Variants in CREBZF observed in about 807,000 individuals in gnomAD.
CREBZF encodes the protein HCF-binding transcription factor Zhangfei.
CREBZF carries 8 observed loss-of-function variants against 21.1 expected under a neutral mutation model. The ratio of observed to expected loss-of-function variants is 0.38; its 90% CI spans 0.22 to 0.68. CREBZF has a LOEUF of 0.68. Among genes scored for constraint, CREBZF ranks in the 30% least tolerant of loss-of-function variants. CREBZF has a pLI of 0.51. For synonymous variants in CREBZF, 270 were observed against 223.3 expected, an observed-to-expected ratio of 1.21 and a Z score of -1.86; for missense variants, 518 against 484.3, an observed-to-expected ratio of 1.07 and a Z score of -0.65.
At chr11:85,674,710 G>A (rs942819086) in intron 1 of CREBZF, among the ~76,000 whole-genome samples, 1 of 152,226 alleles carries the variant, frequency 6.6e-6, no homozygotes, top group Non-Finnish European at 1.5e-5. Flanking sequence ...GTGAAAATCT[G>A]TTGTTTAGTG....
chr11:85,664,825 TG>T lies in CREBZF; in HGVS notation c.50del (p.Pro17GlnfsTer19). 6.5e-7 allele frequency: 1 copy of T among 1,545,072 alleles called. No individual in the cohort carries two copies. Among genetic ancestry groups the T allele is most frequent in the Non-Finnish European group, 8.7e-7 (1 of 1,151,270 alleles). On this transcript the variant is annotated frameshift_variant, in exon 1 of 1. Transcript: ENST00000527447. LOFTEE classifies it high-confidence loss of function. This position sits in a 1 kb window ranked among gnomAD's most constrained non-coding sequence, Gnocchi z 5.5. Reference sequence around the variant, plus strand: ...CCGGCTCCGGGCTCTCACTGCGGGTTGGGGAGTTGCTGCCCGAGGCTGCCAG... The same window carrying T: ...CCGGCTCCGGGCTCTCACTGCGGGTTGGGAGTTGCTGCCCGAGGCTGCCAG... The part of the protein sequence containing the change: ...KLLAASGSNS[P>X]TRSESPEPAA...
intron 1 of CREBZF, among the ~76,000 whole-genome samples, chr11:85,677,058 G>A (rs1465587804): frequency 6.8e-6 from 1 of 146,726 alleles, no homozygotes; most frequent in Non-Finnish European, 1.5e-5. Flanking sequence ...CCGCCTCCCA[G>A]GTTCAAGCAA....
rs1328609110 is a variant in CREBZF, at chr11:85,664,192, G to A, written c.684C>T (p.Tyr228=). 1.9e-6 allele frequency: 3 copies of A among 1,613,354 alleles called. No individual in the cohort carries two copies. The highest frequency in any genetic ancestry group is 2.2e-5 in the East Asian group (1 of 44,872). The change falls in exon 1 of 1, where the codon TAC becomes TAT. Residue 228 remains tyrosine, a synonymous_variant. Transcript: ENST00000527447. This position sits in a 1 kb window ranked among gnomAD's most constrained non-coding sequence, Gnocchi z 5.5. The part of the protein sequence containing the change: ...ARLNRLKKKE[Y]VMGLESRVRG... ...GGACTCGACTCTCCAGCCCCATCAC[G>A]TACTCCTTCTTCTTCAGTCGATTAA...
chr11:85,670,605 A>G (rs1402257627), intron 1 of CREBZF, among the ~76,000 whole-genome samples: 1 of 152,114 alleles, frequency 6.6e-6, no homozygotes, highest in African/African-American at 2.4e-5. Flanking sequence ...CCAGCCTCTC[A>G]AGTTCTTTAA....
At chr11:85,681,898 T>A (rs1162542626) in intron 1 of CREBZF, among the ~76,000 whole-genome samples, 1 of 152,182 alleles carries the variant, frequency 6.6e-6, no homozygotes, top group Non-Finnish European at 1.5e-5. Context: ...CAGAGTGGAA[T>A]ACAAAGTACC....
At chr11:85,670,765 G>A (rs1003281926) in intron 1 of CREBZF, among the ~76,000 whole-genome samples, 2 of 152,144 alleles carry the variant, frequency 1.3e-5, no homozygotes, top group African/African-American at 2.4e-5. Context: ...CTGAAGAGGA[G>A]GATAGGAATT....
intron 1 of CREBZF, among the ~76,000 whole-genome samples, chr11:85,670,722 C>A (rs1431937120): frequency 6.6e-6 from 1 of 152,026 alleles, no homozygotes; most frequent in Non-Finnish European, 1.5e-5. Flanking sequence ...GTCAATATCT[C>A]GATAGATTAG....
chr11:85,665,740 T>C (rs1434750333), upstream of CREBZF, among the ~76,000 whole-genome samples: 4 of 152,176 alleles, frequency 2.6e-5, no homozygotes, highest in Admixed American at 2.6e-4. Flanking sequence ...TTCTTGCCAT[T>C]TTTGTAAGTA....
chr11:85,682,541 G>A (rs1160207747), intron 1 of CREBZF, among the ~76,000 whole-genome samples: 1 of 152,060 alleles, frequency 6.6e-6, no homozygotes, highest in Non-Finnish European at 1.5e-5. Context: ...CTCAGACCAG[G>A]GCAACTGGGC....
chr11:85,664,181 A>G lies in CREBZF; in HGVS notation c.695T>C (p.Leu232Pro), dbSNP rs1278191623. The G allele has an allele frequency of 1.2e-6, 2 of 1,613,130 alleles. No individual in the cohort carries two copies. The highest frequency in any genetic ancestry group is 1.7e-6 in the Non-Finnish European group (2 of 1,179,968). The change falls in exon 1 of 1, where the codon CTG (leucine) becomes CCG (proline). Residue 232 changes from leucine to proline, a missense_variant. By Grantham distance (98) the Leu-to-Pro change is moderately conservative. Around this residue, in one of 3 missense-constraint regions of CREBZF, gnomAD observed 396 missense variants for 324.4 expected, o/e 1.22. Coordinates refer to ENST00000527447, the MANE Select transcript of CREBZF (RefSeq NM_001039618.4). This position sits in a 1 kb window ranked among gnomAD's most constrained non-coding sequence, Gnocchi z 5.5. ...TGCCAGACCCCGGACTCGACTCTCC[A>G]GCCCCATCACGTACTCCTTCTTCTT... ...RLKKKEYVMG[L>P]ESRVRGLAAE...
chr11:85,664,182 G>T lies in CREBZF; in HGVS notation c.694C>A (p.Leu232Met). 6.2e-7 allele frequency: 1 copy of T among 1,613,470 alleles called. No individual in the cohort carries two copies. The highest frequency in any genetic ancestry group is 8.5e-7 in the Non-Finnish European group (1 of 1,180,026). ...GCCAGACCCCGGACTCGACTCTCCA[G>T]CCCCATCACGTACTCCTTCTTCTTC... ...RLKKKEYVMGLESRVRGLAAE... is the reference protein window; with the variant it reads ...RLKKKEYVMGMESRVRGLAAE... The change falls in exon 1 of 1, where the codon CTG becomes ATG. Residue 232 changes from leucine to methionine, a missense_variant. By Grantham distance (15) the Leu-to-Met change is conservative (BLOSUM62 2). Coordinates refer to ENST00000527447, the MANE Select transcript of CREBZF (RefSeq NM_001039618.4). This position sits in a 1 kb window ranked among gnomAD's most constrained non-coding sequence, Gnocchi z 5.5.
chr11:85,682,612 CAACGCGATCTTCCAG>C, intron 1 of CREBZF: 3 of 291,100 alleles, frequency 1.0e-5, no homozygotes, highest in Admixed American at 5.1e-5. Flanking sequence ...CTACTCCCCC[CAACGCGATCTTCCAG>C]ACGCGCTCTT....
rs933780463 is a variant in CREBZF at position 85,662,424 on chromosome 11, G to C, written c.*1387C>G. Reference sequence around the variant, plus strand: ...AAAGCAGGAAATGTGGCCAGCAGCTGGTCCCGTCTCTTCTGCCCCAACAGC... The same window carrying C: ...AAAGCAGGAAATGTGGCCAGCAGCTCGTCCCGTCTCTTCTGCCCCAACAGC... On this transcript the variant is annotated 3_prime_UTR_variant, in exon 1 of 1. Transcript: ENST00000527447. The C allele has an allele frequency of 4.2e-6, 3 of 716,974 alleles. No individual in the cohort carries two copies. The Admixed American group carries it at 6.0e-5, about 14-fold the overall frequency. 44.4% of individuals were successfully genotyped at this position (716,974 alleles called of 1,614,324 possible).
chr11:85,675,831 A>G (rs773622300), intron 1 of CREBZF, among the ~76,000 whole-genome samples: 5 of 152,226 alleles, frequency 3.3e-5, no homozygotes, highest in Admixed American at 6.5e-5. Context: ...TGTAAGGGGT[A>G]GTGAGACCAT....
chr11:85,671,177 A>C (rs2082908903), intron 1 of CREBZF, among the ~76,000 whole-genome samples: 1 of 152,212 alleles, frequency 6.6e-6, no homozygotes, highest in Non-Finnish European at 1.5e-5. Context: ...GGCAGTAGGC[A>C]AGAGAGCATA....
chr11:85,665,660 TA>T (rs547730467), upstream of CREBZF, among the ~76,000 whole-genome samples: 22 of 151,746 alleles, frequency 1.4e-4, no homozygotes, highest in South Asian at 4.2e-4. Context: ...ATTTGTCAAT[TA>T]AAAAAAATTA....
chr11:85,682,202 T>A (rs2082980601), intron 1 of CREBZF, among the ~76,000 whole-genome samples: 1 of 152,102 alleles, frequency 6.6e-6, no homozygotes, highest in Non-Finnish European at 1.5e-5. Flanking sequence ...GGACAAGTCA[T>A]CCTCTCTTAG....
upstream of CREBZF, among the ~76,000 whole-genome samples, chr11:85,669,738 G>C (rs955246924): frequency 1.7e-4 from 26 of 152,166 alleles, no homozygotes; most frequent in African/African-American, 5.8e-4. Flanking sequence ...TGGGTAAGAA[G>C]AGAAATCATA....
rs546574837 is a variant in CREBZF at position 85,662,409 on chromosome 11, A to G, written c.*1402T>C. The G allele has an allele frequency of 1.4e-6, 1 of 717,276 alleles. No individual in the cohort carries two copies. The highest frequency in any genetic ancestry group is 2.7e-5 in the East Asian group (1 of 37,274). 44.4% of individuals were successfully genotyped at this position (717,276 alleles called of 1,614,324 possible). The stretch of plus-strand genomic sequence containing the variant: ...ACTACCTTTTAAAATAAAGCAGGAA[A>G]TGTGGCCAGCAGCTGGTCCCGTCTC... On this transcript the variant is annotated 3_prime_UTR_variant, in exon 1 of 1. Transcript: ENST00000527447.
Sources: allele counts gnomAD v4.1 joint callset (sites outside exome capture counted in the v4.1 genomes callset), GRCh38; gene constraint gnomAD v4.1.1; regional missense constraint gnomAD v4.1.1; non-coding constraint Gnocchi (gnomAD v3.1); transcripts MANE v1.5; gene names NCBI Gene and HGNC (gene_info 2026-07-23, HGNC 2026-07-21).